Variants in TTC28 observed in about 807,000 individuals in gnomAD.
TTC28 encodes tetratricopeptide repeat protein 28.
Under a neutral mutation model 198.0 loss-of-function variants are expected in TTC28, and 61 were observed. That is an observed-to-expected ratio of 0.31 (90% CI 0.25 to 0.38). TTC28 has a LOEUF of 0.38. Ranked by LOEUF, TTC28 falls within the 10% of genes least tolerant of loss-of-function variation. TTC28 has a pLI of 1.00. For synonymous variants in TTC28, 1,171 were observed against 1,297.8 expected (o/e 0.90, Z 2.10); for missense variants, 2,678 against 3,164.0 (o/e 0.85, Z 3.69).
chr22:28,147,188 G>C (rs925600371), intron 6 of TTC28, among the ~76,000 whole-genome samples: 1 of 152,136 alleles, frequency 6.6e-6, no homozygotes, highest in South Asian at 2.1e-4. Context: ...GAAGAATTTC[G>C]GTCGGGAACA....
chr22:28,472,552 ATGTGTGTGTGTGTGTGTG>A (rs3053555), intron 2 of TTC28, among the ~76,000 whole-genome samples: 2 of 114,726 alleles, frequency 1.7e-5, no homozygotes, highest in Admixed American at 8.4e-5. Context: ...GAAAATGTGT[ATGTGTGTGTGTGTGTGTG>A]TGTGTGTGTG....
chr22:28,340,478 GAA>G (rs1047616775), intron 2 of TTC28, among the ~76,000 whole-genome samples: 6 of 139,068 alleles, frequency 4.3e-5, no homozygotes, highest in African/African-American at 1.6e-4. Flanking sequence ...AAAAAAAAAA[GAA>G]AAGAAGAAGA....
Position 27,983,664 on chromosome 22 carries a change from T to G in TTC28, c.6003A>C (p.Ser2001=). The change falls in exon 23 of 23, where the codon TCA becomes TCC. Residue 2001 remains serine (S), a synonymous_variant. Transcript: ENST00000397906. ...CCTCGGGTTTGGAGACAAAGCTCAT[T>G]GAGGAGGCAATGGAGCTCAGACTGT... ...SVYSLSSIAS[S]MSFVSKPEGG... is the part of the protein sequence containing the mutation. 2 of 1,545,608 alleles carry G rather than the reference T, an allele frequency of 1.3e-6. No individual in the cohort carries two copies. The highest frequency in any genetic ancestry group is 1.7e-6 in the Non-Finnish European group (2 of 1,144,440).
At chr22:28,316,494 T>C (rs2045354370) in intron 2 of TTC28, among the ~76,000 whole-genome samples, 1 of 152,130 alleles carries the variant, frequency 6.6e-6, no homozygotes, top group Non-Finnish European at 1.5e-5. Flanking sequence ...TTGTTTTTCA[T>C]TGGCATTATG....
intron 19 of TTC28, 136 bp from the exon 20 acceptor site, chr22:27,990,948 G>A (rs1937379770): frequency 4.7e-6 from 4 of 844,244 alleles, no homozygotes; most frequent in Non-Finnish European, 7.3e-6. Flanking sequence ...CTGACTGGGA[G>A]GGGAGAGGAG....
At chr22:28,060,441 G>T (rs1007395592) in intron 12 of TTC28, among the ~76,000 whole-genome samples, 2 of 152,130 alleles carry the variant, frequency 1.3e-5, no homozygotes, top group Non-Finnish European at 2.9e-5. Flanking sequence ...CTTTTTTATG[G>T]CTGCATAGTA....
intron 2 of TTC28, among the ~76,000 whole-genome samples, chr22:28,400,847 T>C (rs1189416379): frequency 6.6e-6 from 1 of 152,204 alleles, no homozygotes; most frequent in Non-Finnish European, 1.5e-5. Flanking sequence ...TATTTTAGTC[T>C]TTTATATTCT....
chr22:28,333,301 C>A (rs183274908), intron 2 of TTC28, among the ~76,000 whole-genome samples: 1 of 152,218 alleles, frequency 6.6e-6, no homozygotes, highest in African/African-American at 2.4e-5. Flanking sequence ...TCTCTTCCTG[C>A]TGTATCACTC....
chr22:28,437,943 G>A (rs773341468), intron 2 of TTC28, among the ~76,000 whole-genome samples: 3 of 152,062 alleles, frequency 2.0e-5, no homozygotes, highest in Non-Finnish European at 4.4e-5. Context: ...ATAACAGTGG[G>A]GAGTCAAATG....
In TTC28 at chr22:27,999,089, C is replaced by A. The variant is rs1937605460; in HGVS notation, c.4570G>T (p.Val1524Leu). ...CTCTCCTTGGTGGCCACACTGCCCA[C>A]TAGGGGCTGGCAGCCCAGCAGCTCG... ...VSELLGCQPL[V>L]GSVATKERVM... The change falls in exon 16 of 23, where the codon GTG (valine) becomes TTG (leucine). Residue 1524 changes from valine to leucine, a missense_variant. By Grantham distance (32) the Val-to-Leu change is conservative. Transcript: ENST00000397906. 1 of 1,550,542 alleles carries A rather than the reference C, an allele frequency of 6.4e-7. No homozygotes were observed. The highest frequency in any genetic ancestry group is 1.2e-5 in the South Asian group (1 of 84,074).
chr22:27,986,896 A>C (rs981255197), intron 21 of TTC28, among the ~76,000 whole-genome samples: 13 of 152,166 alleles, frequency 8.5e-5, no homozygotes, highest in African/African-American at 3.1e-4. Flanking sequence ...AGCATTAAAA[A>C]CCAATAATGA....
At chr22:28,644,079 C>G (rs1451002198) in intron 1 of TTC28, among the ~76,000 whole-genome samples, 1 of 152,134 alleles carries the variant, frequency 6.6e-6, no homozygotes, top group African/African-American at 2.4e-5. Flanking sequence ...TTATACTTTT[C>G]AGAATTATTT....
At chr22:28,392,359 G>A (rs1183836980) in intron 2 of TTC28, among the ~76,000 whole-genome samples, 1 of 152,208 alleles carries the variant, frequency 6.6e-6, no homozygotes, top group Non-Finnish European at 1.5e-5. Context: ...TTGAGTTGTG[G>A]TGGGCTCCAC....
chr22:28,293,559 G>C (rs1569243539), intron 5 of TTC28, among the ~76,000 whole-genome samples: 1 of 152,028 alleles, frequency 6.6e-6, no homozygotes, highest in African/African-American at 2.4e-5. Context: ...ATGTATACCA[G>C]AAAGCTACAG....
At chr22:28,080,411 T>C (rs1264161996) in intron 12 of TTC28, among the ~76,000 whole-genome samples, 5 of 152,236 alleles carry the variant, frequency 3.3e-5, no homozygotes, top group African/African-American at 4.8e-5. Context: ...CATTATGCTG[T>C]TGATTTGCAT....
chr22:28,356,973 T>C (rs2046087147), intron 2 of TTC28, among the ~76,000 whole-genome samples: 1 of 152,210 alleles, frequency 6.6e-6, no homozygotes, highest in Admixed American at 6.5e-5. Context: ...AATCTGGCCC[T>C]GGCCATGCTA....
At chr22:28,001,320 G>A (rs1233825696) in intron 15 of TTC28, 54 bp downstream of exon 15, 1 of 1,515,370 alleles carries the variant, frequency 6.6e-7, no homozygotes, top group African/African-American at 1.4e-5. Context: ...GATAGACGGT[G>A]CCTCGTGACC....
chr22:28,035,207 T>C (rs756334675), intron 12 of TTC28, among the ~76,000 whole-genome samples: 15 of 152,126 alleles, frequency 9.9e-5, no homozygotes, highest in East Asian at 1.9e-4. Flanking sequence ...AGGCTTCTTG[T>C]GCACTGATAA....
chr22:28,663,300 T>A (rs1357250259), intron 1 of TTC28, among the ~76,000 whole-genome samples: 1 of 149,700 alleles, frequency 6.7e-6, no homozygotes, highest in African/African-American at 2.5e-5. Flanking sequence ...GGAGCCAAGA[T>A]GGCCGAATAG....
Sources: gnomAD v4.1 joint callset for allele counts (sites outside exome capture counted in the v4.1 genomes callset) on GRCh38, gnomAD v4.1.1 for gene constraint, MANE v1.5 for transcripts, NCBI Gene and HGNC (gene_info 2026-07-23, HGNC 2026-07-21) for gene names.